PTK7: variants seen among roughly 807,000 people sequenced by gnomAD.
The protein encoded by PTK7 is protein tyrosine kinase 7 (inactive).
PTK7 carries 39 observed loss-of-function variants against 116.6 expected under a neutral mutation model. That is an observed-to-expected ratio of 0.33 (90% CI 0.26 to 0.44). The LOEUF is 0.44. PTK7 is among the 20% of genes least tolerant of loss of function. The pLI is 1.00. For synonymous variants in PTK7, 546 were observed against 563.6 expected, an observed-to-expected ratio of 0.97 and a Z score of 0.44; for missense variants, 1,169 against 1,425.6, an observed-to-expected ratio of 0.82 and a Z score of 2.90.
chr6:43,097,457 G>A (rs1382222836), intron 1 of PTK7, among the ~76,000 whole-genome samples: 4 of 152,194 alleles, frequency 2.6e-5, no homozygotes, highest in Admixed American at 1.3e-4. Flanking sequence ...GGATATGAAC[G>A]TGTCAAAATT....
intron 7 of PTK7, among the ~76,000 whole-genome samples, chr6:43,135,067 TTTA>T (rs1769946351): frequency 1.3e-5 from 2 of 152,168 alleles, no homozygotes. Context: ...TAGATGTGTA[TTTA>T]ACAAGTGCTC....
At position 43,145,363 on chromosome 6, in the gene PTK7, C is replaced by T. The variant is rs142580489; in HGVS notation, c.2571C>T (p.Asn857=). The T allele has an allele frequency of 1.7e-3, 2,771 of 1,612,764 alleles. 1 individual carries two copies. Among genetic ancestry groups the T allele is most frequent in the Non-Finnish European group, 2.1e-3 (2,451 of 1,179,550 alleles). ...TGTTTGGGAAGCTGAACCACGCCAA[C>T]GTGGTGCGGCTCCTGGGGCTGTGCC... ...LEMFGKLNHA[N]VVRLLGLCRE... Residue 857 remains asparagine, a synonymous_variant, in exon 16 of 20, where the codon AAC becomes AAT. Transcript: ENST00000230419. This position sits in a 1 kb window ranked among gnomAD's most constrained non-coding sequence, Gnocchi z 4.8.
chr6:43,138,883 C>G lies in PTK7; in HGVS notation c.1263C>G (p.Ser421Arg). 1 of 1,614,096 alleles carries G rather than the reference C, an allele frequency of 6.2e-7. No homozygotes were observed. Residue 421 changes from serine to arginine, a missense_variant, in exon 8 of 20, where the codon AGC becomes AGG. Transcript: ENST00000230419. Reference protein sequence around the residue: ...VPSWLKKPQDSQLEEGKPGYL... With the variant: ...VPSWLKKPQDRQLEEGKPGYL... ...CCTGGCTGAAGAAGCCCCAAGACAGCCAGCTGGAGGAGGGCAAACCCGGCT... is the reference window on the plus strand; with the variant it reads ...CCTGGCTGAAGAAGCCCCAAGACAGGCAGCTGGAGGAGGGCAAACCCGGCT...
At chr6:43,131,781 C>T in intron 5 of PTK7, 1 of 577,208 alleles carries the variant, frequency 1.7e-6, no homozygotes, top group Non-Finnish European at 3.1e-6. Flanking sequence ...TTGCCATTTG[C>T]CTCATTGCTT....
intron 1 of PTK7, among the ~76,000 whole-genome samples, chr6:43,100,164 A>C (rs1048780347): frequency 7.2e-5 from 11 of 152,182 alleles, no homozygotes; most frequent in African/African-American, 2.7e-4. Flanking sequence ...CGGGCGGATC[A>C]CGAGGTCAAG....
rs1480508396 is a variant in PTK7 at position 43,141,641 on chromosome 6, C to T, written c.1619-27C>T. ...CTGTCTGTGTAACCCTGATCCTTCC[C>T]ATAATTTCCCTTTGTTACCCCTGCA... is the stretch of plus-strand genomic sequence containing the variant. On this transcript the variant is annotated intron_variant, in intron 10 of 19. Transcript: ENST00000230419. The surrounding 1 kb of genome is among the most constrained non-coding windows in gnomAD (Gnocchi z 4.9). 3 of 1,609,956 alleles carry T rather than the reference C, an allele frequency of 1.9e-6. No individual in the cohort carries two copies. The highest frequency in any genetic ancestry group is 4.5e-5 in the East Asian group (2 of 44,792).
At chr6:43,114,821 C>T (rs887897142) in intron 1 of PTK7, among the ~76,000 whole-genome samples, 3 of 151,960 alleles carry the variant, frequency 2.0e-5, no homozygotes, top group African/African-American at 7.3e-5. Context: ...AGGCGGATTG[C>T]CTGAGGTCAG....
chr6:43,160,814 A>G lies in PTK7; in HGVS notation c.3146A>G (p.Lys1049Arg). The G allele has an allele frequency of 3.7e-6, 6 of 1,614,168 alleles. No individual in the cohort carries two copies. Among genetic ancestry groups the G allele is most frequent in the East Asian group, 2.2e-5 (1 of 44,882 alleles). Residue 1049 changes from lysine to arginine, a missense_variant, in exon 20 of 20, where the codon AAG (lysine) becomes AGG (arginine). By Grantham distance (26) the Lys-to-Arg change is conservative. This residue lies in a region of PTK7 where 678 missense variants were observed against 853.8 expected (regional missense o/e 0.79). Coordinates refer to ENST00000230419, the MANE Select transcript of PTK7 (RefSeq NM_002821.5). ...CAGCGCTGCTGGGCCCTCAGCCCCA[A>G]GGACCGGCCCTCCTTCAGTGAGATT... The part of the protein sequence containing the change: ...LMQRCWALSP[K>R]DRPSFSEIAS...
At position 43,132,005 on chromosome 6, in the gene PTK7, C is replaced by G; in HGVS notation, c.813-11C>G. 6.2e-7 allele frequency: 1 copy of G among 1,613,880 alleles called. No individual in the cohort carries two copies. The highest frequency in any genetic ancestry group is 1.7e-4 in the Middle Eastern group (1 of 5,938). On this transcript the variant is annotated splice_polypyrimidine_tract_variant and intron_variant, in intron 5 of 19. Transcript: ENST00000230419. ...GGCCACTTTCTCCAAATTGCACTCT[C>G]CCCTCTGCAGCCCCCCACACCTCCG...
In PTK7 at chr6:43,132,915, C is replaced by G. The variant is rs1582165172; in HGVS notation, c.1228+228C>G. 21 of 631,900 alleles carry G rather than the reference C, an allele frequency of 3.3e-5. No homozygotes were observed. In the East Asian group the frequency reaches 5.7e-4, roughly 17 times the overall value. 39.1% of individuals were successfully genotyped at this position (631,900 alleles called of 1,614,324 possible). A position where few individuals can be genotyped will look rare whatever the true frequency, so the allele number is the denominator to read the frequency against. ...GTGACAGCCCTCACAGAAAAATGGT[C>G]CTCTGGGTACAGAGGAAAGAGCAAT... On this transcript the variant is annotated intron_variant, in intron 7 of 19. Coordinates refer to ENST00000230419, the MANE Select transcript of PTK7 (RefSeq NM_002821.5).
intron 5 of PTK7, chr6:43,131,564 T>G (rs977054347): frequency 5.2e-5 from 10 of 190,848 alleles, no homozygotes; most frequent in African/African-American, 1.7e-4. Flanking sequence ...AGAGAGCTTC[T>G]GCAGGGGAAT....
At position 43,115,712 on chromosome 6, in the gene PTK7, G is replaced by GATTGCTTGAGGTC. The variant is rs1377167030; in HGVS notation, c.80-13263_80-13251dup. ...GCACTTTGGGAGGCCGAGATGGGCA[G>GATTGCTTGAGGTC]ATTGCTTGAGGTCAGAAGTTCAAGA... is the stretch of plus-strand genomic sequence containing the variant. On this transcript the variant is annotated intron_variant, in intron 1 of 19. Transcript: ENST00000230419. 2.0e-5 allele frequency among the ~76,000 whole-genome samples: 3 copies of GATTGCTTGAGGTC among 151,978 alleles called. No individual in the cohort carries two copies. The East Asian group carries it at 5.8e-4, about 29-fold the overall frequency.
intron 17 of PTK7, among the ~76,000 whole-genome samples, chr6:43,149,824 T>C (rs904620529): frequency 6.6e-6 from 1 of 152,210 alleles, no homozygotes; most frequent in Non-Finnish European, 1.5e-5. Context: ...ATTTTTATTT[T>C]TTGTAGAAAT....
At chr6:43,148,271 G>A (rs923511003) in intron 17 of PTK7, among the ~76,000 whole-genome samples, 3 of 150,520 alleles carry the variant, frequency 2.0e-5, no homozygotes, top group South Asian at 2.2e-4. Context: ...GGGAGGGGGG[G>A]AAAGGACAGG....
chr6:43,128,802 A>G (rs1243001272), intron 1 of PTK7, among the ~76,000 whole-genome samples, 175 bp from the exon 2 acceptor site: 1 of 152,186 alleles, frequency 6.6e-6, no homozygotes, highest in East Asian at 1.9e-4. Flanking sequence ...TCAAAAAGAA[A>G]AAGAAAAGTT....
chr6:43,115,430 C>A (rs1269450807), intron 1 of PTK7, among the ~76,000 whole-genome samples: 1 of 152,076 alleles, frequency 6.6e-6, no homozygotes, highest in Non-Finnish European at 1.5e-5. Flanking sequence ...GTGGCCTGTC[C>A]TCATCCCCCT....
chr6:43,124,173 G>A (rs1181552301), intron 1 of PTK7, among the ~76,000 whole-genome samples: 1 of 152,196 alleles, frequency 6.6e-6, no homozygotes, highest in Admixed American at 6.5e-5. Context: ...ACTCAAGTCA[G>A]GGGGCGGGGA....
intron 1 of PTK7, among the ~76,000 whole-genome samples, chr6:43,115,739 C>A (rs539224700): frequency 6.6e-6 from 1 of 151,838 alleles, no homozygotes; most frequent in East Asian, 1.9e-4. Context: ...AGTTCAAGAC[C>A]AGCCATGACC....
Position 43,141,613 on chromosome 6 carries a change from C to A in PTK7, c.1619-55C>A. On this transcript the variant is annotated intron_variant, in intron 10 of 19. Coordinates refer to ENST00000230419, the MANE Select transcript of PTK7 (RefSeq NM_002821.5). The surrounding 1 kb of genome is among the most constrained non-coding windows in gnomAD (Gnocchi z 4.9). ...AGAGGTGAGGGACTGAAGGCATTGC[C>A]AGCTGTCTGTGTAACCCTGATCCTT... 1 of 1,571,812 alleles carries A rather than the reference C, an allele frequency of 6.4e-7. No homozygotes were observed. The highest frequency in any genetic ancestry group is 8.7e-7 in the Non-Finnish European group (1 of 1,150,276).
Sources: allele counts gnomAD v4.1 joint callset (sites outside exome capture counted in the v4.1 genomes callset), GRCh38; gene constraint gnomAD v4.1.1; regional missense constraint gnomAD v4.1.1; non-coding constraint Gnocchi (gnomAD v3.1); transcripts MANE v1.5; gene names NCBI Gene and HGNC (gene_info 2026-07-23, HGNC 2026-07-21).